PALS2: variants seen among roughly 807,000 people sequenced by gnomAD.
PALS2 encodes the protein protein associated with LIN7 2, MAGUK p55 family member, also known as protein PALS2.
PALS2 carries 27 observed loss-of-function variants against 61.6 expected under a neutral mutation model. The observed-to-expected ratio is 0.44, with a 90% CI of 0.32 to 0.60. The LOEUF (loss-of-function observed/expected upper bound fraction) is 0.60, where lower values mean the gene tolerates loss of function less well. Ranked by LOEUF, PALS2 falls within the 20% of genes least tolerant of loss-of-function variation. The pLI is 0.05. For synonymous variants in PALS2, 236 were observed against 218.6 expected, an observed-to-expected ratio of 1.08 and a Z score of -0.70; for missense variants, 554 against 639.4, an observed-to-expected ratio of 0.87 and a Z score of 1.44.
chr7:24,620,983 A>G (rs1784479029), intron 1 of PALS2, among the ~76,000 whole-genome samples: 2 of 152,168 alleles, frequency 1.3e-5, no homozygotes, highest in Middle Eastern at 3.2e-3. Context: ...CAAATGTACA[A>G]TGTCAAAAGA....
At chr7:24,585,980 A>G (rs1166466505) in intron 1 of PALS2, among the ~76,000 whole-genome samples, 1 of 152,182 alleles carries the variant, frequency 6.6e-6, no homozygotes, top group African/African-American at 2.4e-5. Context: ...TTATCTCCAA[A>G]AAGAGCAACT....
chr7:24,595,202 A>C (rs56944478), intron 1 of PALS2, among the ~76,000 whole-genome samples: 24 of 151,724 alleles, frequency 1.6e-4, no homozygotes, highest in African/African-American at 5.8e-4. Flanking sequence ...AGAATAAAGG[A>C]GATCAAACAG....
intron 1 of PALS2, among the ~76,000 whole-genome samples, chr7:24,595,444 TAATA>T (rs1441224212): frequency 2.1e-5 from 3 of 139,702 alleles, no homozygotes; most frequent in Admixed American, 7.7e-5. Flanking sequence ...ATAAAATACA[TAATA>T]TATAATATAT....
intron 3 of PALS2, among the ~76,000 whole-genome samples, chr7:24,643,555 C>T (rs185643962): frequency 6.6e-6 from 1 of 152,182 alleles, no homozygotes; most frequent in East Asian, 1.9e-4. Flanking sequence ...ATATAATACA[C>T]ACACCATATT....
At chr7:24,611,431 T>C (rs1476012997) in intron 1 of PALS2, among the ~76,000 whole-genome samples, 1 of 152,034 alleles carries the variant, frequency 6.6e-6, no homozygotes, top group Admixed American at 6.6e-5. Context: ...AATATGTACA[T>C]TTAAAACTAT....
chr7:24,576,012 T>A (rs1002296673), intron 1 of PALS2, among the ~76,000 whole-genome samples: 1 of 152,168 alleles, frequency 6.6e-6, no homozygotes, highest in African/African-American at 2.4e-5. Flanking sequence ...GTTAACCATG[T>A]AAGTGATGTG....
At chr7:24,625,746 T>A (rs1002333782) in intron 2 of PALS2, among the ~76,000 whole-genome samples, 4 of 152,208 alleles carry the variant, frequency 2.6e-5, no homozygotes, top group Non-Finnish European at 4.4e-5. Flanking sequence ...GGTAAGGTGC[T>A]ACTGTACTCT....
At chr7:24,619,050 A>G (rs762854713) in intron 1 of PALS2, among the ~76,000 whole-genome samples, 1 of 152,110 alleles carries the variant, frequency 6.6e-6, no homozygotes, top group Non-Finnish European at 1.5e-5. Flanking sequence ...GATTGAATCT[A>G]TCTCTTTTGA....
At position 24,691,405 on chromosome 7, in the gene PALS2, G is replaced by GTGTGTATATATA. The variant is rs1274329385; in HGVS notation, c.*3792_*3793insGTGTATATATAT. 2.5e-3 allele frequency: 279 copies of GTGTGTATATATA among 110,478 alleles called. 1 individual carries two copies. The highest frequency in any genetic ancestry group is 3.8e-3 in the Non-Finnish European group (198 of 52,242). The allele number at this position is 110,478 out of a possible 1,614,324, so 6.8% of individuals were successfully genotyped here. A position where few individuals can be genotyped will look rare whatever the true frequency, so the allele number is the denominator to read the frequency against. On this transcript the variant is annotated 3_prime_UTR_variant, in exon 12 of 12. Coordinates refer to ENST00000222644, the MANE Select transcript of PALS2 (RefSeq NM_001303037.2). ...ATATTATGTATGTGTGTGTGTGTGTGTATATATATATATATATATATATAT... is the reference window on the plus strand; with the variant it reads ...ATATTATGTATGTGTGTGTGTGTGTGTGTGTATATATATATATATATATATATATATATATAT...
intron 1 of PALS2, among the ~76,000 whole-genome samples, chr7:24,601,774 T>C (rs892537605): frequency 2.6e-5 from 4 of 152,104 alleles, no homozygotes; most frequent in Admixed American, 2.6e-4. Flanking sequence ...GGAAATGTTT[T>C]TAAAGGCATC....
intron 9 of PALS2, 28 bp downstream of exon 9, chr7:24,668,688 G>C (rs776411728): frequency 6.2e-7 from 1 of 1,610,126 alleles, no homozygotes; most frequent in Non-Finnish European, 8.5e-7. Flanking sequence ...TCCTTGCTAT[G>C]CAATTGGCAG....
intron 3 of PALS2, among the ~76,000 whole-genome samples, chr7:24,646,960 A>G (rs1785864833): frequency 6.6e-6 from 1 of 151,906 alleles, no homozygotes; most frequent in Non-Finnish European, 1.5e-5. Flanking sequence ...GTAGTTTCTC[A>G]TGGTTGTTTT....
chr7:24,685,284 T>C (rs1227752139), intron 11 of PALS2, among the ~76,000 whole-genome samples: 5 of 152,246 alleles, frequency 3.3e-5, no homozygotes, highest in Admixed American at 2.6e-4. Flanking sequence ...TTTATTTTGC[T>C]TCTGATTTTT....
intron 1 of PALS2, among the ~76,000 whole-genome samples, chr7:24,586,568 C>T (rs1462149467): frequency 6.6e-6 from 1 of 152,090 alleles, no homozygotes; most frequent in African/African-American, 2.4e-5. Flanking sequence ...GTGGTTAGAA[C>T]AGAGAGTTTA....
chr7:24,616,721 T>TA (rs1230150122), intron 1 of PALS2, among the ~76,000 whole-genome samples: 1 of 152,194 alleles, frequency 6.6e-6, no homozygotes, highest in African/African-American at 2.4e-5. Flanking sequence ...ATTTTCTCTT[T>TA]AAAAAATATC....
At chr7:24,579,546 AC>A (rs571714244) in intron 1 of PALS2, among the ~76,000 whole-genome samples, 27 of 152,118 alleles carry the variant, frequency 1.8e-4, no homozygotes, top group Non-Finnish European at 3.5e-4. Flanking sequence ...GTATTTAGTT[AC>A]CCCTTTCCAT....
intron 6 of PALS2, among the ~76,000 whole-genome samples, chr7:24,665,047 C>T (rs1004620000): frequency 2.6e-5 from 4 of 152,112 alleles, no homozygotes; most frequent in Non-Finnish European, 5.9e-5. Context: ...AAATATTTCT[C>T]TTTGGAGCTT....
At chr7:24,652,146 C>CA (rs1786186456) in intron 5 of PALS2, among the ~76,000 whole-genome samples, 1 of 152,114 alleles carries the variant, frequency 6.6e-6, no homozygotes, top group Admixed American at 6.6e-5. Context: ...GACCTGCGTA[C>CA]GCTGGAAGAG....
At chr7:24,637,231 G>A (rs1269219292) in intron 2 of PALS2, among the ~76,000 whole-genome samples, 1 of 150,388 alleles carries the variant, frequency 6.6e-6, no homozygotes, top group Non-Finnish European at 1.5e-5. Flanking sequence ...TGGTTAACTA[G>A]GCAATTTCTG....
Sources: allele counts gnomAD v4.1 joint callset (sites outside exome capture counted in the v4.1 genomes callset), GRCh38; gene constraint gnomAD v4.1.1; transcripts MANE v1.5; gene names NCBI Gene and HGNC (gene_info 2026-07-23, HGNC 2026-07-21).